PGBD2: variants seen among roughly 807,000 people sequenced by gnomAD.
PGBD2 encodes the protein piggyBac transposable element-derived protein 2.
PGBD2 carries 6 observed loss-of-function variants against 8.1 expected under a neutral mutation model. That is an observed-to-expected ratio of 0.74 (90% CI 0.40 to 1.46). The LOEUF (loss-of-function observed/expected upper bound fraction) is 1.46. Among genes scored for constraint, PGBD2 ranks in the 40% most tolerant of loss-of-function variants. The pLI, the probability that PGBD2 is intolerant of heterozygous loss-of-function variation, is 0.02. For synonymous variants in PGBD2, 318 were observed against 272.2 expected, an observed-to-expected ratio of 1.17 and a Z score of -1.66; for missense variants, 802 against 739.0, an observed-to-expected ratio of 1.09 and a Z score of -0.99.
chr1:248,895,937 C>T, the PGBD2 span, among the ~76,000 whole-genome samples: 11 of 151,998 alleles, frequency 7.2e-5, no homozygotes, highest in South Asian at 2.1e-4. Flanking sequence ...CCGCTCACCT[C>T]GGCCTCCCAA....
chr1:248,909,836 G>A (rs1246323250), intron 1 of PGBD2, among the ~76,000 whole-genome samples: 1 of 152,200 alleles, frequency 6.6e-6, no homozygotes, highest in Non-Finnish European at 1.5e-5. Context: ...ACAAGAAACT[G>A]GACCAGCCCT....
downstream of PGBD2, among the ~76,000 whole-genome samples, chr1:248,923,530 C>A (rs1468105038): frequency 3.0e-4 from 46 of 152,166 alleles, no homozygotes; most frequent in Non-Finnish European, 1.5e-5. Context: ...ACTGAGGTGA[C>A]CTCATGCCTC....
At chr1:248,906,816 T>TA (rs1452716810) in intron 1 of PGBD2, among the ~76,000 whole-genome samples, 1 of 152,106 alleles carries the variant, frequency 6.6e-6, no homozygotes, top group African/African-American at 2.4e-5. Flanking sequence ...TGCTGAGGTT[T>TA]CTGAGGGTCT....
At chr1:248,919,731 C>G (rs558557595), downstream of PGBD2, 5 of 166,756 alleles carry the variant, frequency 3.0e-5, no homozygotes, top group East Asian at 7.7e-4. Flanking sequence ...TCCCTTTTCT[C>G]CACATCCTTG....
intron 1 of PGBD2, among the ~76,000 whole-genome samples, chr1:248,913,420 AAACTTCTAATT>A (rs879759813): frequency 2.0e-5 from 3 of 152,136 alleles, no homozygotes; most frequent in Non-Finnish European, 4.4e-5. Context: ...TCATTTTTTT[AAACTTCTAATT>A]AATATATTCA....
chr1:248,919,155 G>A (rs1369187572), downstream of PGBD2: 1 of 166,934 alleles, frequency 6.0e-6, no homozygotes, highest in Non-Finnish European at 1.5e-5. Flanking sequence ...TATTCACCCT[G>A]TTGTGCTAGC....
rs149797446 is a variant in PGBD2 at position 248,913,846 on chromosome 1, C to T, written c.-17C>T. On this transcript the variant is annotated 5_prime_UTR_variant, in exon 2 of 3. Transcript: ENST00000329291. ...TAGACTCTGTGAGTAAAGACAGCTTCATCTTCCCAGTTCATCATGGCTTCA... is the reference window on the plus strand; with the variant it reads ...TAGACTCTGTGAGTAAAGACAGCTTTATCTTCCCAGTTCATCATGGCTTCA... 4 of 1,605,468 alleles carry T rather than the reference C, an allele frequency of 2.5e-6. No individual in the cohort carries two copies. The highest frequency in any genetic ancestry group is 1.3e-5 in the African/African-American group (1 of 74,840).
upstream of PGBD2, among the ~76,000 whole-genome samples, chr1:248,904,355 T>A (rs139581701): frequency 1.3e-5 from 2 of 152,214 alleles, no homozygotes; most frequent in East Asian, 3.8e-4. Context: ...TTTCAAAGAT[T>A]TGACTTTGTT....
At chr1:248,927,654 C>T in the PGBD2 span, among the ~76,000 whole-genome samples, 1 of 152,066 alleles carries the variant, frequency 6.6e-6, no homozygotes, top group Non-Finnish European at 1.5e-5. Context: ...CAGACATGGC[C>T]CATGCATGGT....
At chr1:248,913,947 TC>T in intron 2 of PGBD2, 68 bp downstream of exon 2, 1 of 1,349,310 alleles carries the variant, frequency 7.4e-7, no homozygotes, top group Non-Finnish European at 1.1e-6. Context: ...AAAGGCCAGG[TC>T]CATGACATTT....
At chr1:248,881,538 C>G in the PGBD2 span, among the ~76,000 whole-genome samples, 1 of 152,326 alleles carries the variant, frequency 6.6e-6, no homozygotes, top group East Asian at 1.9e-4. Flanking sequence ...AAGAACACAT[C>G]TGACATGTCT....
chr1:248,921,548 G>C (rs1322705568), downstream of PGBD2, among the ~76,000 whole-genome samples: 3 of 152,136 alleles, frequency 2.0e-5, no homozygotes, highest in Non-Finnish European at 4.4e-5. Flanking sequence ...CCTTGTAGTA[G>C]AGTTTGAAGT....
At chr1:248,874,955 T>TAGATAGAC in the PGBD2 span, among the ~76,000 whole-genome samples, 10 of 138,620 alleles carry the variant, frequency 7.2e-5, no homozygotes, top group South Asian at 2.2e-4. Flanking sequence ...GATAGATAGA[T>TAGATAGAC]AGACAAATAG....
At chr1:248,896,862 C>CA in the PGBD2 span, among the ~76,000 whole-genome samples, 1 of 152,154 alleles carries the variant, frequency 6.6e-6, no homozygotes, top group African/African-American at 2.4e-5. Flanking sequence ...GCTCCCAGGC[C>CA]AGGGAGGCCG....
At chr1:248,910,334 G>T (rs1356559861) in intron 1 of PGBD2, among the ~76,000 whole-genome samples, 1 of 152,222 alleles carries the variant, frequency 6.6e-6, no homozygotes, top group African/African-American at 2.4e-5. Context: ...TTTGGCTTTT[G>T]GAATTGCAGG....
chr1:248,890,824 CCA>C, the PGBD2 span, among the ~76,000 whole-genome samples: 1 of 150,464 alleles, frequency 6.6e-6, no homozygotes, highest in Non-Finnish European at 1.5e-5. Flanking sequence ...ACAACATACA[CCA>C]CACACACCCA....
chr1:248,915,431 T>G (rs1305027608), intron 2 of PGBD2, among the ~76,000 whole-genome samples: 1 of 152,246 alleles, frequency 6.6e-6, no homozygotes, highest in African/African-American at 2.4e-5. Context: ...TAATACTTAA[T>G]TATAAAATAG....
chr1:248,903,458 G>A (rs960967302), upstream of PGBD2, among the ~76,000 whole-genome samples: 2 of 152,190 alleles, frequency 1.3e-5, no homozygotes, highest in South Asian at 2.1e-4. Context: ...CAAAGTGCTG[G>A]GATTACAGGT....
the PGBD2 span, among the ~76,000 whole-genome samples, chr1:248,873,198 T>C: frequency 6.6e-6 from 1 of 152,156 alleles, no homozygotes; most frequent in Non-Finnish European, 1.5e-5. Context: ...CTGCCAGAGC[T>C]GCTCTGCACT....
Sources: gnomAD v4.1 joint callset for allele counts (sites outside exome capture counted in the v4.1 genomes callset) on GRCh38, gnomAD v4.1.1 for gene constraint, MANE v1.5 for transcripts, NCBI Gene and HGNC (gene_info 2026-07-23, HGNC 2026-07-21) for gene names.